The following MRRF variants were observed in gnomAD, a reference collection of about 807,000 sequenced individuals.
MRRF encodes mitochondrial ribosome recycling factor, also known as ribosome-recycling factor, mitochondrial.
A neutral mutation model predicts 25.1 loss-of-function variants in MRRF; 18 were observed. The observed-to-expected ratio is 0.72, with a 90% CI of 0.50 to 1.06. The LOEUF (loss-of-function observed/expected upper bound fraction) is 1.06. MRRF is among the 50% of genes least tolerant of loss of function. MRRF has a pLI of 0.00. For missense variants in MRRF, 323 were observed against 319.3 expected (o/e 1.01, Z -0.09); for synonymous variants, 113 against 112.1 (o/e 1.01, Z -0.05).
At chr9:122,297,689 G>A (rs2118854124) in intron 5 of MRRF, among the ~76,000 whole-genome samples, 1 of 152,292 alleles carries the variant, frequency 6.6e-6, no homozygotes, top group South Asian at 2.1e-4. Flanking sequence ...GTGGCATGGG[G>A]ACCGTAATTG....
intron 4 of MRRF, chr9:122,285,730 A>G (rs778387770): frequency 8.1e-6 from 10 of 1,233,304 alleles, no homozygotes; most frequent in South Asian, 1.4e-5. Context: ...TTTTTATGTG[A>G]CATCTTTATT....
At chr9:122,288,889 C>G (rs1450676925) in intron 4 of MRRF, among the ~76,000 whole-genome samples, 1 of 152,190 alleles carries the variant, frequency 6.6e-6, no homozygotes, top group East Asian at 1.9e-4. Context: ...TGTGATTTTT[C>G]TCAACACTCT....
chr9:122,315,606 AAAG>A (rs1348257307), intron 6 of MRRF, among the ~76,000 whole-genome samples: 2 of 152,182 alleles, frequency 1.3e-5, no homozygotes, highest in African/African-American at 4.8e-5. Context: ...GTATCAGCTA[AAAG>A]AAGAGGTTCA....
At position 122,299,877 on chromosome 9, in the gene MRRF, G is replaced by A. The variant is rs572808802; in HGVS notation, c.551+8037G>A. ...TAATCTGTCTCTGTGGTTAGACAGA[G>A]ATTGATGGGCTTTGGGGTTAGACAG... On this transcript the variant is annotated intron_variant, in intron 5 of 6. Transcript: ENST00000344641. 2.8e-4 allele frequency among the ~76,000 whole-genome samples: 42 copies of A among 152,332 alleles called. 1 individual carries two copies. In the South Asian group the frequency reaches 8.5e-3, roughly 31 times the overall value.
chr9:122,321,057 G>A (rs1421037124), intron 6 of MRRF, among the ~76,000 whole-genome samples: 1 of 152,198 alleles, frequency 6.6e-6, no homozygotes, highest in Non-Finnish European at 1.5e-5. Context: ...TGTTTTTCCT[G>A]AGAACTTGAT....
intron 6 of MRRF, among the ~76,000 whole-genome samples, chr9:122,316,106 C>T (rs1352312481): frequency 6.6e-6 from 1 of 151,806 alleles, no homozygotes; most frequent in Non-Finnish European, 1.5e-5. Context: ...AGTTATCTCT[C>T]GAAACAAGAA....
intron 5 of MRRF, among the ~76,000 whole-genome samples, chr9:122,312,373 C>T (rs541116993): frequency 2.6e-5 from 4 of 152,288 alleles, no homozygotes; most frequent in Admixed American, 1.3e-4. Flanking sequence ...AAAGGATTTA[C>T]GTAAATACAA....
rs1353459814 is a variant in MRRF, at chr9:122,326,029, C to T, written c.*3412C>T. ...TCCTAGGCTGGTCTCAAACACCTGG[C>T]CTCAAGCGGTCCTTCTGCCTCAGCC... On this transcript the variant is annotated 3_prime_UTR_variant, in exon 7 of 7. Transcript: ENST00000344641. 1 of 150,602 alleles carries T rather than the reference C, an allele frequency of 6.6e-6. No homozygotes were observed. Among genetic ancestry groups the T allele is most frequent in the Non-Finnish European group, 1.5e-5 (1 of 67,826 alleles). 9.3% of individuals were successfully genotyped at this position (150,602 alleles called of 1,614,324 possible). A position where few individuals can be genotyped will look rare whatever the true frequency, so the allele number is the denominator to read the frequency against.
chr9:122,289,058 A>G (rs1833586731), intron 4 of MRRF, among the ~76,000 whole-genome samples: 1 of 152,212 alleles, frequency 6.6e-6, no homozygotes, highest in South Asian at 2.1e-4. Flanking sequence ...AGAGTTTTTC[A>G]GATGTCATAT....
chr9:122,286,268 A>T, intron 4 of MRRF: 1 of 1,169,070 alleles, frequency 8.6e-7, no homozygotes, highest in South Asian at 1.4e-5. Flanking sequence ...GGCTAGAGAT[A>T]GGAGAAAGGG....
At position 122,272,946 on chromosome 9, in the gene MRRF, G is replaced by A. The variant is rs191329926; in HGVS notation, c.184+1871G>A. ...GCCCCGCCCCATTGTGTGAGTTTCT[G>A]TATATATATGGCATTGTGTCTGAGC... On this transcript the variant is annotated intron_variant, in intron 2 of 6. Transcript: ENST00000344641. Among the ~76,000 whole-genome samples the A allele has an allele frequency of 3.3e-5, 5 of 152,142 alleles. No homozygotes were observed. In the East Asian group the frequency reaches 9.7e-4, roughly 29 times the overall value.
At chr9:122,287,733 G>A in intron 4 of MRRF, among the ~76,000 whole-genome samples, 1 of 152,184 alleles carries the variant, frequency 6.6e-6, no homozygotes, top group Non-Finnish European at 1.5e-5. Flanking sequence ...ATTTGTTCAA[G>A]TTGAAATTCC....
At position 122,277,663 on chromosome 9, in the gene MRRF, G is replaced by C. The variant is rs539788739; in HGVS notation, c.185-2780G>C. Among the ~76,000 whole-genome samples the C allele has an allele frequency of 2.6e-5, 4 of 152,142 alleles. No individual in the cohort carries two copies. In the South Asian group the frequency reaches 8.3e-4, roughly 32 times the overall value. ...CCTCTCAGGTTCAAGTGATGCTTGT[G>C]CCTCAGCCTCCCGAGTAGCTGGGAC... On this transcript the variant is annotated intron_variant, in intron 2 of 6. Transcript: ENST00000344641.
At chr9:122,277,829 G>A (rs928091211) in intron 2 of MRRF, among the ~76,000 whole-genome samples, 2 of 152,194 alleles carry the variant, frequency 1.3e-5, no homozygotes, top group Admixed American at 6.5e-5. Flanking sequence ...TAGGATTACA[G>A]GCATGAGCCA....
chr9:122,271,096 C>G (rs1330112778), intron 2 of MRRF, 21 bp downstream of exon 2: 1 of 1,600,458 alleles, frequency 6.2e-7, no homozygotes, highest in East Asian at 2.2e-5. Flanking sequence ...GTGACGTTCT[C>G]TCCTACTTCA....
At chr9:122,301,046 T>A (rs1274188441) in intron 5 of MRRF, among the ~76,000 whole-genome samples, 1 of 152,204 alleles carries the variant, frequency 6.6e-6, no homozygotes, top group East Asian at 1.9e-4. Flanking sequence ...CATTTTCCTC[T>A]GGGCATTTTT....
chr9:122,307,082 C>A (rs186868353), intron 5 of MRRF, among the ~76,000 whole-genome samples: 182 of 152,214 alleles, frequency 1.2e-3, no homozygotes, highest in African/African-American at 4.2e-3. Context: ...AGGGTGGTGT[C>A]CCTAGAAGCA....
rs1836035313 is a variant in MRRF at position 122,324,053 on chromosome 9, G to A, written c.*1436G>A. 1 of 152,142 alleles carries A rather than the reference G, an allele frequency of 6.6e-6. No homozygotes were observed. The highest frequency in any genetic ancestry group is 2.1e-4 in the South Asian group (1 of 4,830). The allele number at this position is 152,142 out of a possible 1,614,324, so 9.4% of individuals were successfully genotyped here. ...TGAGTTTGTTTCCCCCACACACCAAGCAATTCTCCAGCAGACACCAACTGG... is the reference window on the plus strand; with the variant it reads ...TGAGTTTGTTTCCCCCACACACCAAACAATTCTCCAGCAGACACCAACTGG... On this transcript the variant is annotated 3_prime_UTR_variant, in exon 7 of 7. Transcript: ENST00000344641.
chr9:122,289,754 G>C (rs1833638568), intron 4 of MRRF, among the ~76,000 whole-genome samples: 1 of 151,972 alleles, frequency 6.6e-6, no homozygotes, highest in Non-Finnish European at 1.5e-5. Context: ...GGCAAGGCGT[G>C]GTGGCTCATG....
Sources: allele counts gnomAD v4.1 joint callset (sites outside exome capture counted in the v4.1 genomes callset), GRCh38; gene constraint gnomAD v4.1.1; transcripts MANE v1.5; gene names NCBI Gene and HGNC (gene_info 2026-07-23, HGNC 2026-07-21).